Variants in AGAP1 observed in about 807,000 individuals in gnomAD.
The protein encoded by AGAP1 is ArfGAP with GTPase domain, ankyrin repeat and PH domain 1, also known as arf-GAP with GTPase, ANK repeat and PH domain-containing protein 1.
A neutral mutation model predicts 105.3 loss-of-function variants in AGAP1; 29 were observed. The observed-to-expected ratio is 0.28, with a 90% CI of 0.21 to 0.38. The LOEUF (loss-of-function observed/expected upper bound fraction) is 0.38. AGAP1 is among the 10% of genes least tolerant of loss of function. The probability of loss-of-function intolerance (pLI) is 1.00; values close to 1 mark genes in which losing one functional copy is unlikely to be tolerated. For missense variants in AGAP1, 998 were observed against 1,165.1 expected (o/e 0.86, Z 2.09); for synonymous variants, 509 against 485.9 (o/e 1.05, Z -0.63).
intron 13 of AGAP1, among the ~76,000 whole-genome samples, chr2:235,991,128 T>G (rs1559731524): frequency 6.6e-6 from 1 of 152,240 alleles, no homozygotes; most frequent in Non-Finnish European, 1.5e-5. Context: ...TGTTCTACTG[T>G]ATTGTGTAAA....
chr2:235,579,819 A>G (rs956071260), intron 1 of AGAP1, among the ~76,000 whole-genome samples: 1 of 151,412 alleles, frequency 6.6e-6, no homozygotes, highest in African/African-American at 2.4e-5. Flanking sequence ...TATGCACCAC[A>G]TGGTGTAACC....
At chr2:235,671,570 C>T (rs771094314) in intron 1 of AGAP1, among the ~76,000 whole-genome samples, 7 of 152,184 alleles carry the variant, frequency 4.6e-5, no homozygotes, top group South Asian at 2.1e-4. Flanking sequence ...ACTCCGTGGC[C>T]CTCGGTATTG....
intron 1 of AGAP1, among the ~76,000 whole-genome samples, chr2:235,628,933 TC>T (rs1267437961): frequency 6.6e-6 from 1 of 152,160 alleles, no homozygotes; most frequent in Non-Finnish European, 1.5e-5. Flanking sequence ...TGCCTTAGCC[TC>T]CCGAGTAGCT....
At chr2:235,653,885 C>G (rs535918918) in intron 1 of AGAP1, among the ~76,000 whole-genome samples, 2 of 152,066 alleles carry the variant, frequency 1.3e-5, no homozygotes, top group Non-Finnish European at 2.9e-5. Context: ...GGTGAAACCC[C>G]GTCTCTACTA....
intron 1 of AGAP1, among the ~76,000 whole-genome samples, chr2:235,636,312 G>C (rs555474014): frequency 6.6e-6 from 1 of 152,040 alleles, no homozygotes; most frequent in African/African-American, 2.4e-5. Context: ...AGACAGACAG[G>C]AAAGTGTCCC....
At chr2:235,825,433 T>C (rs1020677494) in intron 9 of AGAP1, among the ~76,000 whole-genome samples, 4 of 152,208 alleles carry the variant, frequency 2.6e-5, no homozygotes, top group Non-Finnish European at 4.4e-5. Flanking sequence ...TTGAAAACTA[T>C]TATTATTCAT....
intron 9 of AGAP1, among the ~76,000 whole-genome samples, chr2:235,841,668 CATAA>C (rs1248407368): frequency 2.0e-5 from 3 of 152,172 alleles, no homozygotes; most frequent in African/African-American, 7.2e-5. Context: ...TTTAGCAATT[CATAA>C]ATAATTACCT....
At position 235,801,650 on chromosome 2, in the gene AGAP1, G is replaced by A. The variant is rs980876883; in HGVS notation, c.957+2128G>A. Among the ~76,000 whole-genome samples the A allele has an allele frequency of 1.3e-5, 2 of 152,182 alleles. No individual in the cohort carries two copies. The highest frequency in any genetic ancestry group is 2.9e-5 in the Non-Finnish European group (2 of 68,048). On this transcript the variant is annotated intron_variant, in intron 8 of 17. Transcript: ENST00000304032. The surrounding 1 kb of genome is among the most constrained non-coding windows in gnomAD (Gnocchi z 6.0). ...CTAGAACAGGCTGCACAGTGACTCG[G>A]TGGCTTGAGAAACCAATAGCCAAAG...
rs898273269 is a variant in AGAP1 at position 236,104,692 on chromosome 2, T to C, written c.2115-15500T>C. 2.6e-4 allele frequency among the ~76,000 whole-genome samples: 40 copies of C among 152,268 alleles called. No homozygotes were observed. The highest frequency in any genetic ancestry group is 7.0e-4 in the African/African-American group (29 of 41,568). On this transcript the variant is annotated intron_variant, in intron 16 of 17. Coordinates refer to ENST00000304032, the MANE Select transcript of AGAP1 (RefSeq NM_001037131.3). The surrounding 1 kb of genome is among the most constrained non-coding windows in gnomAD (Gnocchi z 4.7). Reference sequence around the variant, plus strand: ...GATCACAAGGGCAGGAGGTCAAGTCTAGCCTGGCCAACATGGTGAAACCCC... The same window carrying C: ...GATCACAAGGGCAGGAGGTCAAGTCCAGCCTGGCCAACATGGTGAAACCCC...
chr2:235,679,805 G>GT (rs1408040841), intron 1 of AGAP1, among the ~76,000 whole-genome samples: 2 of 152,242 alleles, frequency 1.3e-5, no homozygotes, highest in Non-Finnish European at 2.9e-5. Flanking sequence ...GATATTCCTT[G>GT]TTGGGCGTGA....
chr2:235,998,192 C>T (rs762834173), intron 13 of AGAP1, among the ~76,000 whole-genome samples: 17 of 152,150 alleles, frequency 1.1e-4, no homozygotes, highest in Non-Finnish European at 1.6e-4. Flanking sequence ...AAGCTCTGGC[C>T]GAGGTACAAT....
At chr2:235,763,398 A>G (rs566434298) in intron 6 of AGAP1, among the ~76,000 whole-genome samples, 1 of 152,238 alleles carries the variant, frequency 6.6e-6, no homozygotes, top group Admixed American at 6.5e-5. Context: ...TGATTTTTGC[A>G]CGGCATTTCC....
intron 1 of AGAP1, among the ~76,000 whole-genome samples, chr2:235,602,112 T>C (rs1945750359): frequency 6.6e-6 from 1 of 152,216 alleles, no homozygotes; most frequent in Non-Finnish European, 1.5e-5. Flanking sequence ...CCTGCTTCTG[T>C]ATGGCTTTCT....
At chr2:235,828,507 C>A (rs1408133436) in intron 9 of AGAP1, among the ~76,000 whole-genome samples, 2 of 152,126 alleles carry the variant, frequency 1.3e-5, no homozygotes, top group Non-Finnish European at 2.9e-5. Context: ...ATGGAACTGC[C>A]CACGAGTCAC....
intron 16 of AGAP1, among the ~76,000 whole-genome samples, chr2:236,057,942 A>G (rs1011536431): frequency 2.0e-5 from 3 of 152,154 alleles, no homozygotes; most frequent in African/African-American, 7.2e-5. Flanking sequence ...CAGGTGGTCC[A>G]TGCCCTCCCC....
chr2:235,728,326 T>TGTGTGTGTGTGTGCGC lies in AGAP1; in HGVS notation c.310+10683_310+10684insTGTGTGTGTGTGCGCG, dbSNP rs986896995. 7.3e-5 allele frequency among the ~76,000 whole-genome samples: 11 copies of TGTGTGTGTGTGTGCGC among 151,628 alleles called. No individual in the cohort carries two copies. The highest frequency in any genetic ancestry group is 2.7e-4 in the African/African-American group (11 of 41,084). On this transcript the variant is annotated intron_variant, in intron 3 of 17. Transcript: ENST00000304032. This position sits in a 1 kb window ranked among gnomAD's most constrained non-coding sequence, Gnocchi z 4.3. ...CTGTGTGTGTGTGTGTGTGTGTGTG[T>TGTGTGTGTGTGTGCGC]GCGTGCTCTTAAATCAATGTAAATT...
In AGAP1 at chr2:235,919,307, GTT is replaced by G; in HGVS notation, c.1324+10405_1324+10406del. On this transcript the variant is annotated intron_variant, in intron 11 of 17. Coordinates refer to ENST00000304032, the MANE Select transcript of AGAP1 (RefSeq NM_001037131.3). This position sits in a 1 kb window ranked among gnomAD's most constrained non-coding sequence, Gnocchi z 4.1. Reference sequence around the variant, plus strand: ...TCCTTTCCCACACTGGCAGAGGAGAGTTTTTCGAAGTAATCGTGACATTTTTC... The same window carrying G: ...TCCTTTCCCACACTGGCAGAGGAGAGTTTCGAAGTAATCGTGACATTTTTC... Among the ~76,000 whole-genome samples, 1 of 152,314 alleles carries G rather than the reference GTT, an allele frequency of 6.6e-6. No homozygotes were observed. Among genetic ancestry groups the G allele is most frequent in the African/African-American group, 2.4e-5 (1 of 41,588 alleles).
chr2:235,876,235 G>T (rs948855732), intron 9 of AGAP1, among the ~76,000 whole-genome samples: 1 of 152,138 alleles, frequency 6.6e-6, no homozygotes, highest in Non-Finnish European at 1.5e-5. Context: ...TGTACTTTTA[G>T]AAATATTTAA....
chr2:235,785,849 C>G (rs1178952849), intron 6 of AGAP1, among the ~76,000 whole-genome samples: 1 of 152,132 alleles, frequency 6.6e-6, no homozygotes. Context: ...TTAGGTCTTT[C>G]TTTCATTCCA....
Sources: gnomAD v4.1 joint callset for allele counts (sites outside exome capture counted in the v4.1 genomes callset) on GRCh38, gnomAD v4.1.1 for gene constraint, Gnocchi (gnomAD v3.1) non-coding constraint, MANE v1.5 for transcripts, NCBI Gene and HGNC (gene_info 2026-07-23, HGNC 2026-07-21) for gene names.